The following AHI1 variants were observed in gnomAD, a reference collection of about 807,000 sequenced individuals.
AHI1 encodes the protein jouberin.
AHI1 carries 123 observed loss-of-function variants against 149.3 expected under a neutral mutation model. That is an observed-to-expected ratio of 0.82 (90% CI 0.71 to 0.96). AHI1 has a LOEUF of 0.96. AHI1 is among the 40% of genes least tolerant of loss of function. The probability of loss-of-function intolerance (pLI) is 0.00; values close to 1 mark genes in which losing one functional copy is unlikely to be tolerated. For missense variants in AHI1, 1,439 were observed against 1,422.7 expected, an observed-to-expected ratio of 1.01 and a Z score of -0.18; for synonymous variants, 475 against 459.8, an observed-to-expected ratio of 1.03 and a Z score of -0.42.
chr6:135,324,005 T>C (rs532371127), intron 24 of AHI1, among the ~76,000 whole-genome samples: 8 of 152,334 alleles, frequency 5.3e-5, no homozygotes, highest in East Asian at 3.9e-4. Flanking sequence ...CAAAATGATA[T>C]GGCAGTGGCT....
At chr6:135,437,966 G>A (rs2614271) in intron 15 of AHI1, among the ~76,000 whole-genome samples, 125,945 of 152,072 alleles carry the variant, frequency 0.83, 54,370 homozygotes, top group East Asian at 0.97. Context: ...GTACATATTT[G>A]TTTCCTCTAC....
At chr6:135,355,042 A>C (rs1408112321) in intron 24 of AHI1, among the ~76,000 whole-genome samples, 2 of 152,204 alleles carry the variant, frequency 1.3e-5, no homozygotes, top group Admixed American at 6.5e-5. Flanking sequence ...TGAGGAGAAA[A>C]GGTTAAGTTC....
rs571354860 is a variant in AHI1 at position 135,336,572 on chromosome 6, T to A, written c.3166-13248A>T. Among the ~76,000 whole-genome samples, 12 of 152,334 alleles carry A rather than the reference T, an allele frequency of 7.9e-5. 1 individual carries two copies. Among genetic ancestry groups the A allele is most frequent in the East Asian group, 1.9e-4 (1 of 5,184 alleles). On this transcript the variant is annotated intron_variant, in intron 24 of 28. Coordinates refer to ENST00000265602, the MANE Select transcript of AHI1 (RefSeq NM_001134831.2). The stretch of plus-strand genomic sequence containing the variant: ...GAGATCATGCCACTGCACTCCAGCC[T>A]AGATGACAAAGTGAGACCCTGCCTT...
chr6:135,406,788 C>T (rs1012431664), intron 21 of AHI1, among the ~76,000 whole-genome samples: 13 of 152,252 alleles, frequency 8.5e-5, no homozygotes, highest in African/African-American at 1.7e-4. Flanking sequence ...AGTGTTCAGG[C>T]TGCCAGAATG....
intron 3 of AHI1, chr6:135,495,369 G>C (rs1322589929): frequency 6.6e-6 from 1 of 152,162 alleles, no homozygotes; most frequent in Non-Finnish European, 1.5e-5. Context: ...CTGTGTTCCA[G>C]ACATGTGAAA....
intron 5 of AHI1, among the ~76,000 whole-genome samples, chr6:135,489,580 T>C (rs993797210): frequency 2.0e-5 from 3 of 152,126 alleles, no homozygotes; most frequent in Non-Finnish European, 2.9e-5. Context: ...CCCTACCATA[T>C]TGTGCACTAG....
intron 5 of AHI1, among the ~76,000 whole-genome samples, chr6:135,483,566 G>A (rs778125939): frequency 1.3e-5 from 2 of 152,092 alleles, no homozygotes; most frequent in Admixed American, 6.6e-5. Context: ...GAATGTATAC[G>A]CAACTTCATA....
chr6:135,323,595 T>G (rs1787205167), intron 24 of AHI1, among the ~76,000 whole-genome samples: 1 of 152,114 alleles, frequency 6.6e-6, no homozygotes, highest in Non-Finnish European at 1.5e-5. Context: ...TTAAAGTAAA[T>G]TACTTGTGAA....
chr6:135,340,674 T>TACATAC (rs1374817475), intron 24 of AHI1, among the ~76,000 whole-genome samples: 9 of 132,778 alleles, frequency 6.8e-5, no homozygotes, highest in African/African-American at 2.6e-4. Flanking sequence ...TATATATATA[T>TACATAC]ATATATATAT....
At chr6:135,358,233 A>C in intron 23 of AHI1, 46 bp from the exon 24 acceptor site, 1 of 1,493,732 alleles carries the variant, frequency 6.7e-7, no homozygotes, top group South Asian at 1.2e-5. Flanking sequence ...AAGCCTGTCC[A>C]TTTTATGTTG....
At chr6:135,294,081 T>A (rs1212824343) in intron 27 of AHI1, among the ~76,000 whole-genome samples, 1 of 152,106 alleles carries the variant, frequency 6.6e-6, no homozygotes, top group Non-Finnish European at 1.5e-5. Flanking sequence ...TCCCAGCACT[T>A]GGGGAGGCTG....
intron 24 of AHI1, among the ~76,000 whole-genome samples, chr6:135,339,966 C>T (rs111777407): frequency 0.013 from 2,010 of 152,164 alleles, 45 homozygotes; most frequent in African/African-American, 0.046. Flanking sequence ...GTAGATATCT[C>T]ATAAAAAAAT....
intron 20 of AHI1, 92 bp downstream of exon 20, chr6:135,427,075 T>G: frequency 7.7e-7 from 1 of 1,295,880 alleles, no homozygotes. Context: ...ATGTGTACTT[T>G]TGTCAACATT....
chr6:135,434,252 G>A (rs1785063538), intron 15 of AHI1, among the ~76,000 whole-genome samples: 2 of 151,896 alleles, frequency 1.3e-5, no homozygotes, highest in South Asian at 4.1e-4. Flanking sequence ...CTCAGCAGCT[G>A]CTTACAATAT....
chr6:135,364,906 G>GGGGAGA (rs1277760682), intron 23 of AHI1, among the ~76,000 whole-genome samples: 2 of 150,936 alleles, frequency 1.3e-5, no homozygotes, highest in African/African-American at 2.5e-5. Context: ...GGGAGACCGT[G>GGGGAGA]GGGAGAGGAA....
At chr6:135,405,875 GAAAAAAAAAAGA>G (rs1780717170) in intron 21 of AHI1, among the ~76,000 whole-genome samples, 2 of 109,142 alleles carry the variant, frequency 1.8e-5, no homozygotes, top group Non-Finnish European at 3.9e-5. Flanking sequence ...AAAAAAAAAA[GAAAAAAAAAAGA>G]AAAAGAAAAA....
At chr6:135,363,620 G>T (rs1365741789) in intron 23 of AHI1, among the ~76,000 whole-genome samples, 1 of 142,218 alleles carries the variant, frequency 7.0e-6, no homozygotes, top group Non-Finnish European at 1.5e-5. Context: ...TCCCAGTAGG[G>T]GCGGCCGGGC....
rs191126419 is a variant in AHI1, at chr6:135,480,902, T to C, written c.135+9721A>G. ...TTACAAATGACGCAGGCAAGAGACC[T>C]AGGTTGCACGTTCCTTATGAGAATC... On this transcript the variant is annotated intron_variant, in intron 5 of 28. Coordinates refer to ENST00000265602, the MANE Select transcript of AHI1 (RefSeq NM_001134831.2). Among the ~76,000 whole-genome samples the C allele has an allele frequency of 5.9e-3, 894 of 152,284 alleles. 2 individuals carry two copies. The highest frequency in any genetic ancestry group is 9.1e-3 in the Non-Finnish European group (620 of 68,016).
intron 5 of AHI1, among the ~76,000 whole-genome samples, chr6:135,477,628 T>A (rs1792897095): frequency 6.6e-6 from 1 of 152,096 alleles, no homozygotes; most frequent in African/African-American, 2.4e-5. Flanking sequence ...AAGATCTGAT[T>A]GCTTGAAAGT....
Sources: allele counts gnomAD v4.1 joint callset (sites outside exome capture counted in the v4.1 genomes callset), GRCh38; gene constraint gnomAD v4.1.1; transcripts MANE v1.5; gene names NCBI Gene and HGNC (gene_info 2026-07-23, HGNC 2026-07-21).